PDE1C: variants seen among roughly 807,000 people sequenced by gnomAD.
PDE1C encodes phosphodiesterase 1C, also known as dual specificity calcium/calmodulin-dependent 3',5'-cyclic nucleotide phosphodiesterase 1C.
PDE1C carries 62 observed loss-of-function variants against 93.1 expected under a neutral mutation model. The ratio of observed to expected loss-of-function variants is 0.67; its 90% CI spans 0.54 to 0.82. The LOEUF is 0.82. Ranked by LOEUF, PDE1C falls within the 40% of genes least tolerant of loss-of-function variation. PDE1C has a pLI of 0.00. For synonymous variants in PDE1C, 325 were observed against 310.1 expected (o/e 1.05, Z -0.50); for missense variants, 742 against 884.6 (o/e 0.84, Z 2.04).
intron 7 of PDE1C, among the ~76,000 whole-genome samples, chr7:31,859,928 T>C (rs1272149936): frequency 1.3e-5 from 2 of 152,186 alleles, no homozygotes; most frequent in Non-Finnish European, 2.9e-5. Context: ...ATTTTAGTCA[T>C]AGAAATCTAT....
intron 2 of PDE1C, among the ~76,000 whole-genome samples, chr7:32,179,453 G>A (rs557343574): frequency 3.3e-5 from 5 of 152,094 alleles, no homozygotes; most frequent in East Asian, 1.9e-4. Flanking sequence ...TAGAGACGGC[G>A]TTTCACCATG....
chr7:31,893,546 A>G (rs2128904697), intron 2 of PDE1C: 1 of 956,182 alleles, frequency 1.0e-6, no homozygotes, highest in East Asian at 1.2e-4. Flanking sequence ...GACTCCTTTC[A>G]CTTTTAGTTC....
chr7:31,848,166 T>C (rs906899875), intron 8 of PDE1C, 70 bp from the exon 9 acceptor site: 9 of 1,485,200 alleles, frequency 6.1e-6, no homozygotes, highest in South Asian at 5.9e-5. Context: ...TCTAACAGGC[T>C]AGAACGCACC....
At chr7:31,715,479 T>C in the PDE1C span, among the ~76,000 whole-genome samples, 1 of 152,238 alleles carries the variant, frequency 6.6e-6, no homozygotes, top group Non-Finnish European at 1.5e-5. Flanking sequence ...CCTCAAGTGA[T>C]CTGCCTGTCT....
At chr7:31,680,378 A>G in the PDE1C span, among the ~76,000 whole-genome samples, 1 of 152,226 alleles carries the variant, frequency 6.6e-6, no homozygotes, top group Non-Finnish European at 1.5e-5. Context: ...TGCAGAGCCA[A>G]CTGGGGAAGG....
intron 1 of PDE1C, among the ~76,000 whole-genome samples, chr7:32,238,611 AG>A (rs1336279271): frequency 6.6e-6 from 1 of 152,222 alleles, no homozygotes; most frequent in African/African-American, 2.4e-5. Flanking sequence ...TGAAAAACAG[AG>A]GTGGGAGGAA....
intron 1 of PDE1C, among the ~76,000 whole-genome samples, chr7:32,374,031 G>C (rs890923661): frequency 7.6e-6 from 1 of 131,754 alleles, no homozygotes; most frequent in Non-Finnish European, 1.6e-5. Flanking sequence ...GAAAAATGGA[G>C]AGAAAGAGAG....
chr7:31,620,199 A>G, the PDE1C span, among the ~76,000 whole-genome samples: 55,939 of 151,930 alleles, frequency 0.37, 10,831 homozygotes, highest in Middle Eastern at 0.46. Flanking sequence ...AAACAAAAAG[A>G]CAGCAGTAAC....
At chr7:32,086,578 G>T (rs1355679879) in intron 3 of PDE1C, among the ~76,000 whole-genome samples, 2 of 151,990 alleles carry the variant, frequency 1.3e-5, no homozygotes, top group Non-Finnish European at 2.9e-5. Context: ...CAAAGCTGGA[G>T]GCATCACGCT....
chr7:31,754,397 T>C (rs1353158064), intron 17 of PDE1C, among the ~76,000 whole-genome samples: 3 of 152,206 alleles, frequency 2.0e-5, no homozygotes, highest in Non-Finnish European at 4.4e-5. Context: ...ATTTACCCAA[T>C]TGATGGAAAA....
intron 1 of PDE1C, among the ~76,000 whole-genome samples, chr7:32,276,134 A>C (rs71530580): frequency 0.079 from 11,985 of 152,252 alleles, 595 homozygotes; most frequent in East Asian, 0.13. Flanking sequence ...ATTTTTGTTG[A>C]TTATTTACCA....
chr7:31,948,296 C>T (rs1806892775), intron 2 of PDE1C, among the ~76,000 whole-genome samples: 1 of 152,178 alleles, frequency 6.6e-6, no homozygotes. Flanking sequence ...CAGAAACTCT[C>T]TTATGTGGTA....
rs917724957 is a variant in PDE1C at position 32,190,306 on chromosome 7, T to TAA, written c.136+19182_136+19183insTT. Among the ~76,000 whole-genome samples the TAA allele has an allele frequency of 2.4e-4, 37 of 152,296 alleles. No homozygotes were observed. In the Middle Eastern group the frequency reaches 0.017, roughly 70 times the overall value. The stretch of plus-strand genomic sequence containing the variant: ...GCACATTTCACAGCCTACAAAACTG[T>TAA]ATGTGTTTACTCTGGGCTTCAGTCC... On this transcript the variant is annotated intron_variant, in intron 2 of 18. Transcript: ENST00000396193.
chr7:31,823,130 T>C lies in PDE1C; in HGVS notation c.1525A>G (p.Thr509Ala), dbSNP rs751541230. 8 of 1,613,242 alleles carry C rather than the reference T, an allele frequency of 5.0e-6. No individual in the cohort carries two copies. The African/African-American group carries it at 1.1e-4, about 22-fold the overall frequency. Reference protein sequence around the residue: ...ISVDYKSFKATWTEVVHINRE... With the variant: ...ISVDYKSFKAAWTEVVHINRE... ...TTGATGTGCACCACTTCCGTCCAAGTAGCTTTAAAGCTCTTATAGTCAACG... is the reference window on the plus strand; with the variant it reads ...TTGATGTGCACCACTTCCGTCCAAGCAGCTTTAAAGCTCTTATAGTCAACG... The change falls in exon 14 of 18, where the codon ACT becomes GCT. Residue 509 changes from threonine to alanine, a missense_variant. By Grantham distance (58) the Thr-to-Ala change is moderately conservative. Coordinates refer to ENST00000396191, the MANE Select transcript of PDE1C (RefSeq NM_001191057.4).
At chr7:32,027,596 ATCAAAAATGGT>A (rs1789621835) in intron 2 of PDE1C, among the ~76,000 whole-genome samples, 1 of 118,618 alleles carries the variant, frequency 8.4e-6, no homozygotes, top group African/African-American at 2.8e-5. Flanking sequence ...AAAAAAAACT[ATCAAAAATGGT>A]AAAAAAAAAA....
chr7:31,980,345 T>A (rs1207301170), intron 2 of PDE1C, among the ~76,000 whole-genome samples: 2 of 152,240 alleles, frequency 1.3e-5, no homozygotes, highest in Non-Finnish European at 2.9e-5. Context: ...CTGTGCAGAA[T>A]GATTTAAATT....
chr7:31,661,110 C>T, the PDE1C span, among the ~76,000 whole-genome samples: 1 of 6,406 alleles, frequency 1.6e-4, no homozygotes, highest in Non-Finnish European at 3.4e-4. Context: ...AAATTCAGTA[C>T]CACAGAGAGG....
chr7:32,206,149 G>A (rs192169776), intron 2 of PDE1C, among the ~76,000 whole-genome samples: 1 of 152,272 alleles, frequency 6.6e-6, no homozygotes, highest in East Asian at 1.9e-4. Context: ...GACCCCCAGA[G>A]CTTACATGGT....
intron 17 of PDE1C, among the ~76,000 whole-genome samples, chr7:31,766,298 G>A (rs1484714291): frequency 6.6e-6 from 1 of 151,846 alleles, no homozygotes; most frequent in Non-Finnish European, 1.5e-5. Context: ...GCAGGAGAAT[G>A]GCGTGAACCT....
Sources: gnomAD v4.1 joint callset for allele counts (sites outside exome capture counted in the v4.1 genomes callset) on GRCh38, gnomAD v4.1.1 for gene constraint, MANE v1.5 for transcripts, NCBI Gene and HGNC (gene_info 2026-07-23, HGNC 2026-07-21) for gene names.